Variants in CSNK1G3 observed in about 807,000 individuals in gnomAD.
CSNK1G3 encodes casein kinase 1 gamma 3, also known as casein kinase I isoform gamma-3.
Under a neutral mutation model 64.3 loss-of-function variants are expected in CSNK1G3, and 23 were observed. The observed-to-expected ratio is 0.36, with a 90% confidence interval of 0.26 to 0.51. The LOEUF is 0.51. CSNK1G3 is among the 20% of genes least tolerant of loss of function. The pLI, the probability that CSNK1G3 is intolerant of heterozygous loss-of-function variation, is 0.96. For synonymous variants in CSNK1G3, 158 were observed against 162.2 expected, an observed-to-expected ratio of 0.97 and a Z score of 0.20; for missense variants, 357 against 510.5, an observed-to-expected ratio of 0.70 and a Z score of 2.90.
At chr5:123,540,515 A>AT (rs1274872978) in intron 1 of CSNK1G3, among the ~76,000 whole-genome samples, 2 of 151,140 alleles carry the variant, frequency 1.3e-5, no homozygotes, top group Non-Finnish European at 2.9e-5. Flanking sequence ...TGCAAATTAG[A>AT]TTTTTTTCTA....
At chr5:123,544,884 A>G (rs1013708475) in intron 1 of CSNK1G3, among the ~76,000 whole-genome samples, 1 of 152,116 alleles carries the variant, frequency 6.6e-6, no homozygotes, top group Non-Finnish European at 1.5e-5. Context: ...TGTTCTTGAT[A>G]TTGTCAGTTC....
intron 6 of CSNK1G3, among the ~76,000 whole-genome samples, chr5:123,583,637 T>A (rs1338183828): frequency 6.6e-6 from 1 of 152,146 alleles, no homozygotes; most frequent in African/African-American, 2.4e-5. Flanking sequence ...GTGCTGGGAT[T>A]ACAGGCGTGA....
intron 1 of CSNK1G3, among the ~76,000 whole-genome samples, chr5:123,541,307 C>A (rs1049153819): frequency 1.3e-5 from 2 of 152,000 alleles, no homozygotes; most frequent in Admixed American, 1.3e-4. Context: ...TGTAGATAAT[C>A]CTTTGTTTTG....
chr5:123,565,866 A>G (rs991060621), intron 4 of CSNK1G3, among the ~76,000 whole-genome samples: 1 of 152,156 alleles, frequency 6.6e-6, no homozygotes, highest in African/African-American at 2.4e-5. Context: ...TGAGAACAGC[A>G]CAAACCCATG....
intron 3 of CSNK1G3, 28 bp from the exon 4 acceptor site, chr5:123,557,467 T>C (rs761025228): frequency 1.9e-6 from 3 of 1,566,824 alleles, no homozygotes; most frequent in Admixed American, 1.7e-5. Flanking sequence ...ATAACTTAAA[T>C]GTCTTTTTTT....
chr5:123,549,285 T>TTA (rs1783185139), intron 2 of CSNK1G3, among the ~76,000 whole-genome samples: 1 of 152,176 alleles, frequency 6.6e-6, no homozygotes, highest in South Asian at 2.1e-4. Context: ...TAGGGTTGTA[T>TTA]TATATATGTA....
intron 1 of CSNK1G3, among the ~76,000 whole-genome samples, chr5:123,518,589 A>G (rs948781007): frequency 2.0e-5 from 3 of 152,250 alleles, no homozygotes; most frequent in Non-Finnish European, 4.4e-5. Context: ...CATCTTTTGC[A>G]TAAGCCTACC....
chr5:123,555,319 T>A (rs942774082), intron 3 of CSNK1G3, among the ~76,000 whole-genome samples: 2 of 152,212 alleles, frequency 1.3e-5, no homozygotes, highest in Non-Finnish European at 2.9e-5. Flanking sequence ...TTCACATACA[T>A]TGTTGAATGA....
intron 12 of CSNK1G3, among the ~76,000 whole-genome samples, chr5:123,611,299 T>C (rs959197847): frequency 6.6e-5 from 10 of 152,228 alleles, no homozygotes; most frequent in African/African-American, 2.4e-4. Flanking sequence ...TGCTGTCCTC[T>C]GGTGGTAGTA....
chr5:123,512,796 G>A (rs1401700239), intron 1 of CSNK1G3, among the ~76,000 whole-genome samples: 1 of 151,656 alleles, frequency 6.6e-6, no homozygotes, highest in Non-Finnish European at 1.5e-5. Context: ...GGAGGCTGAG[G>A]GCGCGGAGGG....
chr5:123,586,009 T>C (rs1347525032), intron 6 of CSNK1G3, among the ~76,000 whole-genome samples: 1 of 152,210 alleles, frequency 6.6e-6, no homozygotes, highest in African/African-American at 2.4e-5. Flanking sequence ...TCATAACAGC[T>C]TTATTCACAA....
intron 12 of CSNK1G3, among the ~76,000 whole-genome samples, chr5:123,613,720 A>G (rs1435999076): frequency 1.3e-5 from 2 of 152,048 alleles, no homozygotes; most frequent in African/African-American, 4.8e-5. Context: ...ATTTTTTTGC[A>G]TATACAGTTT....
intron 3 of CSNK1G3, among the ~76,000 whole-genome samples, chr5:123,554,008 T>C (rs139804818): frequency 0.012 from 1,790 of 152,316 alleles, 41 homozygotes; most frequent in African/African-American, 0.04. Flanking sequence ...CTTGTCTCTG[T>C]CAATATAACC....
At chr5:123,514,886 A>T (rs1711946508) in intron 1 of CSNK1G3, among the ~76,000 whole-genome samples, 2 of 152,150 alleles carry the variant, frequency 1.3e-5, no homozygotes, top group Non-Finnish European at 2.9e-5. Context: ...GTATTTAAAG[A>T]TGAGTCAGTT....
exon 13 of CSNK1G3, chr5:123,615,355 T>G (rs774235697): frequency 6.6e-6 from 1 of 152,486 alleles, no homozygotes; most frequent in Non-Finnish European, 1.5e-5. Flanking sequence ...GCAGAAAACT[T>G]TGGATGTGCC....
chr5:123,520,237 T>A (rs1777868496), intron 1 of CSNK1G3, among the ~76,000 whole-genome samples: 1 of 152,116 alleles, frequency 6.6e-6, no homozygotes, highest in Non-Finnish European at 1.5e-5. Flanking sequence ...TATATGTAAA[T>A]GAAAGGAATA....
At chr5:123,515,935 C>T (rs1777089520) in intron 1 of CSNK1G3, among the ~76,000 whole-genome samples, 1 of 152,100 alleles carries the variant, frequency 6.6e-6, no homozygotes, top group Admixed American at 6.5e-5. Flanking sequence ...AAACAGTCTT[C>T]TAGAGTTTAA....
chr5:123,569,620 C>G (rs1787673254), intron 4 of CSNK1G3, among the ~76,000 whole-genome samples: 1 of 152,122 alleles, frequency 6.6e-6, no homozygotes, highest in African/African-American at 2.4e-5. Flanking sequence ...GGAAAACTGT[C>G]AAGGTCATCA....
chr5:123,535,369 G>A (rs888568740), intron 1 of CSNK1G3, among the ~76,000 whole-genome samples: 5 of 151,704 alleles, frequency 3.3e-5, no homozygotes, highest in South Asian at 2.1e-4. Flanking sequence ...AAGACTATTC[G>A]TAGGTCTAAG....
Sources: gnomAD v4.1 joint callset for allele counts (sites outside exome capture counted in the v4.1 genomes callset) on GRCh38, gnomAD v4.1.1 for gene constraint, MANE v1.5 for transcripts, NCBI Gene and HGNC (gene_info 2026-07-23, HGNC 2026-07-21) for gene names.